Variants in RABGAP1 observed in about 807,000 individuals in gnomAD.
RABGAP1 encodes the protein RAB GTPase activating protein 1.
In RABGAP1, 23 loss-of-function variants were observed where a neutral mutation model predicts 137.6. The ratio of observed to expected loss-of-function variants is 0.17; its 90% confidence interval spans 0.12 to 0.24. The LOEUF (loss-of-function observed/expected upper bound fraction) is 0.24. Among genes scored for constraint, RABGAP1 ranks in the 10% least tolerant of loss-of-function variants. RABGAP1 has a pLI of 1.00. For missense variants in RABGAP1, 906 were observed against 1,275.8 expected (o/e 0.71, Z 4.42); for synonymous variants, 451 against 450.7 (o/e 1.00, Z -0.01).
At chr9:122,999,349 AT>A (rs748884431) in intron 10 of RABGAP1, among the ~76,000 whole-genome samples, 247 of 144,828 alleles carry the variant, frequency 1.7e-3, no homozygotes, top group Admixed American at 2.3e-3. Context: ...TGCCCGGCTA[AT>A]TTTTTTTTTT....
chr9:122,950,119 A>G (rs938298753), intron 1 of RABGAP1, among the ~76,000 whole-genome samples: 2 of 152,214 alleles, frequency 1.3e-5, no homozygotes, highest in African/African-American at 2.4e-5. Flanking sequence ...GGTATGGGAT[A>G]TATGATCAGA....
At chr9:123,031,273 A>G (rs1398857285) in intron 13 of RABGAP1, among the ~76,000 whole-genome samples, 3 of 152,180 alleles carry the variant, frequency 2.0e-5, no homozygotes, top group Non-Finnish European at 4.4e-5. Context: ...GAAATACAGC[A>G]GTAACTCTCA....
chr9:122,942,744 C>T (rs1002196067), intron 1 of RABGAP1, among the ~76,000 whole-genome samples: 15 of 149,304 alleles, frequency 1.0e-4, no homozygotes, highest in Middle Eastern at 3.5e-3. Flanking sequence ...GTGTAGAGTT[C>T]ACTTTGTATT....
intron 4 of RABGAP1, among the ~76,000 whole-genome samples, chr9:122,989,089 A>T (rs1836524721): frequency 6.6e-6 from 1 of 152,146 alleles, no homozygotes; most frequent in South Asian, 2.1e-4. Flanking sequence ...CTAAAACATG[A>T]TACTATATGG....
chr9:123,051,216 G>GTTTTTTTTT lies in RABGAP1; in HGVS notation c.1795-14092_1795-14084dup, dbSNP rs552457119. Among the ~76,000 whole-genome samples, 19 of 34,274 alleles carry GTTTTTTTTT rather than the reference G, an allele frequency of 5.5e-4. 2 individuals are homozygous for GTTTTTTTTT. The highest frequency in any genetic ancestry group is 9.4e-4 in the South Asian group (1 of 1,066). The allele number at this position is 34,274 out of a possible 152,430, so 22.5% of individuals were successfully genotyped here. On this transcript the variant is annotated intron_variant, in intron 13 of 25. Transcript: ENST00000373647. ...ACATGTTGTGATTTTATTCACCTTG[G>GTTTTTTTTT]TTTTTTTTTTTTTTTTTTTTTTTTT... is the stretch of plus-strand genomic sequence containing the variant.
chr9:123,068,879 A>T (rs910745736), intron 14 of RABGAP1, among the ~76,000 whole-genome samples: 1 of 152,272 alleles, frequency 6.6e-6, no homozygotes, highest in Non-Finnish European at 1.5e-5. Context: ...AGAGTTATAT[A>T]TTCTAAACAT....
intron 2 of RABGAP1, among the ~76,000 whole-genome samples, chr9:122,972,289 A>G (rs570432225): frequency 6.6e-6 from 1 of 152,250 alleles, no homozygotes; most frequent in African/African-American, 2.4e-5. Context: ...TAAAAATGGT[A>G]AGAAAAAAAC....
At chr9:123,020,516 A>C (rs2031558463) in intron 13 of RABGAP1, 57 bp downstream of exon 13, 2 of 1,363,156 alleles carry the variant, frequency 1.5e-6, no homozygotes, top group Non-Finnish European at 1.9e-6. Flanking sequence ...TGTGATGAAA[A>C]GATCATTATA....
intron 19 of RABGAP1, among the ~76,000 whole-genome samples, chr9:123,077,157 TG>T (rs1194351325): frequency 4.2e-4 from 41 of 98,746 alleles, no homozygotes; most frequent in African/African-American, 1.4e-3. Flanking sequence ...GCTGGTTTTT[TG>T]TTTTTGTTTT....
chr9:123,057,532 G>A (rs2033778337), intron 13 of RABGAP1, among the ~76,000 whole-genome samples: 1 of 151,588 alleles, frequency 6.6e-6, no homozygotes, highest in Non-Finnish European at 1.5e-5. Context: ...TCCTAGGTGG[G>A]ATGGCGGCCG....
chr9:123,076,890 T>A lies in RABGAP1; in HGVS notation c.2424+128T>A, dbSNP rs535495941. The A allele has an allele frequency of 3.3e-5, 17 of 519,456 alleles. No homozygotes were observed. The East Asian group carries it at 4.4e-4, about 14-fold the overall frequency. The allele number at this position is 519,456 out of a possible 1,614,324, so 32.2% of individuals were successfully genotyped here. A position where few individuals can be genotyped will look rare whatever the true frequency, so the allele number is the denominator to read the frequency against. ...TTTATAATACATATTAGTGTTAACATTTATAATATATAAATAATATTAATG... is the reference window on the plus strand; with the variant it reads ...TTTATAATACATATTAGTGTTAACAATTATAATATATAAATAATATTAATG... On this transcript the variant is annotated intron_variant, in intron 19 of 25. Transcript: ENST00000373647.
intron 1 of RABGAP1, among the ~76,000 whole-genome samples, chr9:122,955,820 A>G (rs1411400695): frequency 6.6e-6 from 1 of 152,200 alleles, no homozygotes; most frequent in Non-Finnish European, 1.5e-5. Flanking sequence ...TAAAAATCCA[A>G]AGCATAAATC....
At chr9:123,081,993 G>T (rs554444560) in intron 19 of RABGAP1, among the ~76,000 whole-genome samples, 2 of 151,292 alleles carry the variant, frequency 1.3e-5, no homozygotes, top group Non-Finnish European at 2.9e-5. Context: ...ATTAAATTTG[G>T]TGTGGCAGTA....
At chr9:123,065,996 G>A (rs1384636493) in intron 14 of RABGAP1, among the ~76,000 whole-genome samples, 1 of 152,198 alleles carries the variant, frequency 6.6e-6, no homozygotes. Flanking sequence ...GCACATTAGA[G>A]CTATTGGGTT....
At chr9:122,972,704 G>A (rs1835532558) in intron 2 of RABGAP1, among the ~76,000 whole-genome samples, 1 of 150,074 alleles carries the variant, frequency 6.7e-6, no homozygotes, top group African/African-American at 2.5e-5. Flanking sequence ...TGGTGTAGAT[G>A]AGCAAAGGGT....
intron 13 of RABGAP1, among the ~76,000 whole-genome samples, chr9:123,021,930 CAG>C (rs2031665108): frequency 6.6e-6 from 1 of 152,106 alleles, no homozygotes; most frequent in South Asian, 2.1e-4. Context: ...TCTGGGAGAA[CAG>C]AGGAGTCTTT....
intron 13 of RABGAP1, among the ~76,000 whole-genome samples, chr9:123,044,626 C>CGTGTGTGTGTGTGTGT (rs68089109): frequency 5.4e-5 from 8 of 148,978 alleles, no homozygotes; most frequent in African/African-American, 2.0e-4. Flanking sequence ...AACACACGTA[C>CGTGTGTGTGTGTGTGT]GTGTGTGTGT....
intron 1 of RABGAP1, among the ~76,000 whole-genome samples, chr9:122,942,457 G>A (rs1199528832): frequency 6.6e-6 from 1 of 152,080 alleles, no homozygotes; most frequent in Non-Finnish European, 1.5e-5. Context: ...GGATCACAAG[G>A]TCAGGAGTTC....
At chr9:123,095,104 A>C (rs1039436760) in intron 21 of RABGAP1, among the ~76,000 whole-genome samples, 17 of 151,754 alleles carry the variant, frequency 1.1e-4, no homozygotes, top group Non-Finnish European at 2.1e-4. Context: ...TCACATGCCT[A>C]TATTCCCAGC....
Sources: gnomAD v4.1 joint callset for allele counts (sites outside exome capture counted in the v4.1 genomes callset) on GRCh38, gnomAD v4.1.1 for gene constraint, MANE v1.5 for transcripts, NCBI Gene and HGNC (gene_info 2026-07-23, HGNC 2026-07-21) for gene names.